The following SGCZ variants were observed in gnomAD, a reference collection of about 807,000 sequenced individuals.
The protein encoded by SGCZ is sarcoglycan zeta.
Under a neutral mutation model 41.3 loss-of-function variants are expected in SGCZ, and 40 were observed. That is an observed-to-expected ratio of 0.97 (90% confidence interval 0.75 to 1.26). The LOEUF (loss-of-function observed/expected upper bound fraction) is 1.26. Among genes scored for constraint, SGCZ ranks in the 50% most tolerant of loss-of-function variants. The probability of loss-of-function intolerance (pLI) is 0.00; values close to 1 mark genes in which losing one functional copy is unlikely to be tolerated. For missense variants in SGCZ, 552 were observed against 369.8 expected (o/e 1.49, Z -4.04); for synonymous variants, 206 against 137.5 (o/e 1.50, Z -3.49).
At chr8:14,753,881 T>C (rs995447938) in intron 1 of SGCZ, among the ~76,000 whole-genome samples, 1 of 152,198 alleles carries the variant, frequency 6.6e-6, no homozygotes, top group South Asian at 2.1e-4. Flanking sequence ...CTTGAGTTGC[T>C]GTGGTAGCAG....
intron 2 of SGCZ, among the ~76,000 whole-genome samples, chr8:14,444,640 C>T (rs531161464): frequency 1.3e-4 from 17 of 134,440 alleles, no homozygotes; most frequent in Admixed American, 8.6e-4. Flanking sequence ...GGAAGGGGAA[C>T]ATCACACTAT....
In SGCZ at chr8:14,088,271, C is replaced by T. The variant is rs149381292; in HGVS notation, c.*2172G>A. On this transcript the variant is annotated 3_prime_UTR_variant, in exon 8 of 8. Coordinates refer to ENST00000382080, the MANE Select transcript of SGCZ (RefSeq NM_139167.4). ...GTAAACTGAAGCCTGGAGAGATTCT[C>T]GAACTGCCTAAAACAGCTCAATTGA... Among the ~76,000 whole-genome samples, 2 of 151,668 alleles carry T rather than the reference C, an allele frequency of 1.3e-5. No individual in the cohort carries two copies. The highest frequency in any genetic ancestry group is 6.6e-5 in the Admixed American group (1 of 15,198).
At chr8:14,850,779 G>T (rs939730821) in intron 1 of SGCZ, among the ~76,000 whole-genome samples, 1 of 152,130 alleles carries the variant, frequency 6.6e-6, no homozygotes, top group Non-Finnish European at 1.5e-5. Context: ...TCTCATGATA[G>T]TGAGTGAGTT....
chr8:15,168,410 G>T (rs185122582), intron 1 of SGCZ, among the ~76,000 whole-genome samples: 1 of 152,284 alleles, frequency 6.6e-6, no homozygotes, highest in African/African-American at 2.4e-5. Flanking sequence ...AAGAGATATA[G>T]GTGAGAGCAG....
chr8:14,680,963 G>GAAAAAAAAAAAAAAAAAA lies in SGCZ; in HGVS notation c.40-126038_40-126037insTTTTTTTTTTTTTTTTTT, dbSNP rs374278969. Among the ~76,000 whole-genome samples, 13 of 106,180 alleles carry GAAAAAAAAAAAAAAAAAA rather than the reference G, an allele frequency of 1.2e-4. 1 individual carries two copies. The highest frequency in any genetic ancestry group is 3.9e-4 in the African/African-American group (9 of 22,964). 69.7% of individuals were successfully genotyped at this position (106,180 alleles called of 152,430 possible). ...TGAAACATACAGAGGAAAAAGAGTGGGAAAAAAAAAAAAAAAAACAGAAAA... is the reference window on the plus strand; with the variant it reads ...TGAAACATACAGAGGAAAAAGAGTGGAAAAAAAAAAAAAAAAAAGAAAAAAAAAAAAAAAAACAGAAAA... On this transcript the variant is annotated intron_variant, in intron 1 of 7. Transcript: ENST00000382080.
At chr8:14,260,119 G>C (rs1160149365) in intron 3 of SGCZ, among the ~76,000 whole-genome samples, 1 of 152,060 alleles carries the variant, frequency 6.6e-6, no homozygotes, top group African/African-American at 2.4e-5. Flanking sequence ...CTGTTTGTCT[G>C]TTGTTGGTGT....
intron 2 of SGCZ, among the ~76,000 whole-genome samples, chr8:14,411,585 C>T (rs4269546): frequency 1.3e-4 from 20 of 151,932 alleles, no homozygotes; most frequent in African/African-American, 4.3e-4. Context: ...CCTCCCCAAA[C>T]CTCTAGGCTT....
chr8:14,783,143 A>G (rs1005013564), intron 1 of SGCZ, among the ~76,000 whole-genome samples: 2 of 152,162 alleles, frequency 1.3e-5, no homozygotes, highest in Non-Finnish European at 2.9e-5. Context: ...ATAGAAAGTA[A>G]AAGTATATGG....
At chr8:15,061,568 T>C (rs900651395) in intron 1 of SGCZ, among the ~76,000 whole-genome samples, 1 of 150,744 alleles carries the variant, frequency 6.6e-6, no homozygotes, top group African/African-American at 2.4e-5. Context: ...AATAAATAAA[T>C]AAAAGGGCTT....
At chr8:14,603,836 C>T (rs1489932866) in intron 1 of SGCZ, among the ~76,000 whole-genome samples, 1 of 152,050 alleles carries the variant, frequency 6.6e-6, no homozygotes, top group Non-Finnish European at 1.5e-5. Flanking sequence ...GTTTTGCACT[C>T]CTCAGAAAAG....
At chr8:15,133,488 G>C (rs527436805) in intron 1 of SGCZ, among the ~76,000 whole-genome samples, 14 of 152,028 alleles carry the variant, frequency 9.2e-5, no homozygotes, top group African/African-American at 3.1e-4. Context: ...TTAGACTCTC[G>C]TTATCTTCCC....
At chr8:14,128,542 A>G (rs1005798573) in intron 5 of SGCZ, among the ~76,000 whole-genome samples, 4 of 152,346 alleles carry the variant, frequency 2.6e-5, no homozygotes, top group South Asian at 2.1e-4. Context: ...CAGCAATTCC[A>G]GTATTTGGTA....
chr8:15,085,651 G>A (rs1585547963), intron 1 of SGCZ, among the ~76,000 whole-genome samples: 1 of 152,140 alleles, frequency 6.6e-6, no homozygotes, highest in African/African-American at 2.4e-5. Context: ...TCCAGAACAA[G>A]TTGAACTATA....
chr8:14,126,115 T>G (rs908871080), intron 5 of SGCZ, among the ~76,000 whole-genome samples: 3 of 152,082 alleles, frequency 2.0e-5, no homozygotes, highest in African/African-American at 7.2e-5. Context: ...GAACAAAAGC[T>G]AAAATTGACA....
intron 7 of SGCZ, among the ~76,000 whole-genome samples, chr8:14,095,568 A>G (rs1013230579): frequency 4.6e-5 from 7 of 152,052 alleles, no homozygotes; most frequent in African/African-American, 1.4e-4. Context: ...TTTGCTTAGG[A>G]TTGTCTTGGC....
chr8:14,192,810 C>A (rs1162367398), intron 4 of SGCZ, among the ~76,000 whole-genome samples: 1 of 151,782 alleles, frequency 6.6e-6, no homozygotes, highest in Non-Finnish European at 1.5e-5. Context: ...TTTTCATTTG[C>A]AAAATTAAAT....
At chr8:14,605,612 A>C (rs980377781) in intron 1 of SGCZ, among the ~76,000 whole-genome samples, 2 of 152,080 alleles carry the variant, frequency 1.3e-5, no homozygotes, top group Non-Finnish European at 2.9e-5. Context: ...TATCTCCCTA[A>C]GTTCAATTAA....
rs556647438 is a variant in SGCZ at position 14,919,822 on chromosome 8, G to A, written c.39+317763C>T. Among the ~76,000 whole-genome samples, 159 of 152,194 alleles carry A rather than the reference G, an allele frequency of 1.0e-3. 1 individual carries two copies. Among genetic ancestry groups the A allele is most frequent in the African/African-American group, 3.5e-3 (146 of 41,546 alleles). On this transcript the variant is annotated intron_variant, in intron 1 of 7. Coordinates refer to ENST00000382080, the MANE Select transcript of SGCZ (RefSeq NM_139167.4). The stretch of plus-strand genomic sequence containing the variant: ...AATCCCAGCTACTCGGGAAACTGGG[G>A]CAGTAGAATCACTTGAGCCCAGGAG...
At chr8:14,124,823 T>A (rs2117043300) in intron 5 of SGCZ, among the ~76,000 whole-genome samples, 1 of 152,284 alleles carries the variant, frequency 6.6e-6, no homozygotes, top group Non-Finnish European at 1.5e-5. Flanking sequence ...AAGCCCATCT[T>A]CTTCTTATAG....
Sources: allele counts gnomAD v4.1 joint callset (sites outside exome capture counted in the v4.1 genomes callset), GRCh38; gene constraint gnomAD v4.1.1; transcripts MANE v1.5; gene names NCBI Gene and HGNC (gene_info 2026-07-23, HGNC 2026-07-21).